Variants in VWA8 observed in about 807,000 individuals in gnomAD.
The protein encoded by VWA8 is von Willebrand factor A domain containing 8.
A neutral mutation model predicts 241.5 loss-of-function variants in VWA8; 221 were observed. That is an observed-to-expected ratio of 0.91 (90% CI 0.82 to 1.02). The LOEUF (loss-of-function observed/expected upper bound fraction) is 1.02, where lower values mean the gene tolerates loss of function less well. VWA8 is among the 50% of genes least tolerant of loss of function. The pLI, the probability that VWA8 is intolerant of heterozygous loss-of-function variation, is 0.00. For synonymous variants in VWA8, 852 were observed against 827.1 expected, an observed-to-expected ratio of 1.03 and a Z score of -0.52; for missense variants, 2,322 against 2,328.7, an observed-to-expected ratio of 1.00 and a Z score of 0.06.
At chr13:41,617,939 C>T (rs1201935975) in intron 37 of VWA8, among the ~76,000 whole-genome samples, 2 of 151,952 alleles carry the variant, frequency 1.3e-5, no homozygotes, top group African/African-American at 4.9e-5. Context: ...AATAAACATA[C>T]GTGTGCATGT....
In VWA8 at chr13:41,950,013, C is replaced by T. The variant is rs1327715342; in HGVS notation, c.164G>A (p.Gly55Asp). ...TACATCTCCAATATTAACTGTATCACCTAAAAAGAGATTTTAAAAACAGAA... is the reference window on the plus strand; with the variant it reads ...TACATCTCCAATATTAACTGTATCATCTAAAAAGAGATTTTAAAAACAGAA... ...LLHAGSGADT[G>D]DTVNIGDVSY... Residue 55 changes from glycine (G) to aspartate (D), a missense_variant and splice_region_variant, in exon 2 of 45, where the codon GGT becomes GAT. Coordinates refer to ENST00000379310, the MANE Select transcript of VWA8 (RefSeq NM_015058.2). 2 of 1,543,584 alleles carry T rather than the reference C, an allele frequency of 1.3e-6. No homozygotes were observed.
At chr13:41,955,812 T>C (rs1305879446) in intron 1 of VWA8, 1 of 152,084 alleles carries the variant, frequency 6.6e-6, no homozygotes, top group East Asian at 1.9e-4. Flanking sequence ...AATAGATGAG[T>C]CTTAGCCAAT....
At chr13:41,898,477 C>G (rs1288862397) in intron 4 of VWA8, among the ~76,000 whole-genome samples, 1 of 152,250 alleles carries the variant, frequency 6.6e-6, no homozygotes, top group Non-Finnish European at 1.5e-5. Flanking sequence ...CATAAAGACT[C>G]TCCACATCCC....
intron 20 of VWA8, among the ~76,000 whole-genome samples, chr13:41,766,849 A>G (rs193053382): frequency 2.0e-4 from 30 of 152,274 alleles, no homozygotes; most frequent in Admixed American, 1.6e-3. Context: ...ATCATGCCCT[A>G]TTCGGGTCTC....
chr13:41,769,240 G>A (rs1186589472), intron 20 of VWA8, among the ~76,000 whole-genome samples: 2 of 152,210 alleles, frequency 1.3e-5, no homozygotes, highest in African/African-American at 4.8e-5. Context: ...GGGGAAAGCT[G>A]AAAACAGCAT....
At chr13:41,773,685 T>C (rs1481594071) in intron 20 of VWA8, among the ~76,000 whole-genome samples, 35 of 152,204 alleles carry the variant, frequency 2.3e-4, no homozygotes, top group Admixed American at 1.3e-4. Context: ...TAGAAAGGAA[T>C]TGAAGTTGGC....
chr13:41,829,571 A>ACACACACG (rs1871338568), intron 14 of VWA8, among the ~76,000 whole-genome samples: 3 of 150,938 alleles, frequency 2.0e-5, no homozygotes, highest in African/African-American at 4.9e-5. Flanking sequence ...ACACACATGC[A>ACACACACG]CACACACACA....
chr13:41,871,107 A>G (rs775923820), intron 9 of VWA8, among the ~76,000 whole-genome samples: 1 of 152,098 alleles, frequency 6.6e-6, no homozygotes, highest in Non-Finnish European at 1.5e-5. Flanking sequence ...TAATGATTCT[A>G]CCTTCAAACT....
chr13:41,765,726 A>T (rs1029214429), intron 20 of VWA8, among the ~76,000 whole-genome samples: 2 of 152,180 alleles, frequency 1.3e-5, no homozygotes, highest in African/African-American at 4.8e-5. Flanking sequence ...TTTTGTTCCT[A>T]TACATATTTA....
chr13:41,783,365 C>T (rs1013374606), intron 19 of VWA8, among the ~76,000 whole-genome samples: 1 of 151,812 alleles, frequency 6.6e-6, no homozygotes, highest in East Asian at 1.9e-4. Flanking sequence ...TTCGGCCAGA[C>T]ATGGTGGCTC....
chr13:41,876,248 T>C (rs750536166), intron 9 of VWA8, among the ~76,000 whole-genome samples: 8 of 152,106 alleles, frequency 5.3e-5, no homozygotes, highest in Non-Finnish European at 1.2e-4. Flanking sequence ...TGATCACTCA[T>C]ACAACACATT....
chr13:41,677,312 C>T (rs146235440), intron 35 of VWA8, among the ~76,000 whole-genome samples: 1 of 152,300 alleles, frequency 6.6e-6, no homozygotes, highest in African/African-American at 2.4e-5. Context: ...CTGTGCTACA[C>T]TGATTTCTAT....
intron 35 of VWA8, among the ~76,000 whole-genome samples, chr13:41,679,233 T>C (rs1469165643): frequency 6.6e-6 from 1 of 152,178 alleles, no homozygotes; most frequent in Non-Finnish European, 1.5e-5. Context: ...ATAGCTCCCA[T>C]GAATAGTGGG....
chr13:41,663,599 G>T (rs1038978686), intron 37 of VWA8, among the ~76,000 whole-genome samples: 1 of 151,786 alleles, frequency 6.6e-6, no homozygotes, highest in Non-Finnish European at 1.5e-5. Flanking sequence ...TTCAATTTCA[G>T]ACATTGTCTA....
chr13:41,588,952 A>T (rs1262311198), intron 41 of VWA8, among the ~76,000 whole-genome samples: 4 of 152,246 alleles, frequency 2.6e-5, no homozygotes, highest in Admixed American at 2.6e-4. Flanking sequence ...ACAATTTCAG[A>T]TGTATCCAAA....
chr13:41,576,726 C>T (rs77528498), intron 42 of VWA8, among the ~76,000 whole-genome samples: 2,138 of 152,214 alleles, frequency 0.014, 53 homozygotes, highest in African/African-American at 0.049. Context: ...TTAAATAAAA[C>T]ATGTTCTGTC....
chr13:41,865,731 T>C lies in VWA8; in HGVS notation c.1425+5A>G. 1 of 1,613,256 alleles carries C rather than the reference T, an allele frequency of 6.2e-7. No homozygotes were observed. The highest frequency in any genetic ancestry group is 8.5e-7 in the Non-Finnish European group (1 of 1,179,978). On this transcript the variant is annotated splice_donor_5th_base_variant and intron_variant, in intron 12 of 44. Transcript: ENST00000379310. ...TCCAAGTGCAGCTAAAAATGAACACTGTACCTGATAGAGCATAATAGGTTC... is the reference window on the plus strand; with the variant it reads ...TCCAAGTGCAGCTAAAAATGAACACCGTACCTGATAGAGCATAATAGGTTC...
chr13:41,655,331 C>T (rs779833777), intron 37 of VWA8, among the ~76,000 whole-genome samples: 16 of 152,204 alleles, frequency 1.1e-4, no homozygotes, highest in Admixed American at 3.3e-4. Context: ...TCAGTTGATC[C>T]GCCCACTTCA....
intron 21 of VWA8, among the ~76,000 whole-genome samples, chr13:41,738,875 C>T (rs185472455): frequency 1.3e-5 from 2 of 152,112 alleles, no homozygotes; most frequent in South Asian, 2.1e-4. Flanking sequence ...GATGCACACA[C>T]AGATGCAACC....
Sources: allele counts gnomAD v4.1 joint callset (sites outside exome capture counted in the v4.1 genomes callset), GRCh38; gene constraint gnomAD v4.1.1; transcripts MANE v1.5; gene names NCBI Gene and HGNC (gene_info 2026-07-23, HGNC 2026-07-21).